Variants in KIF26B observed in about 807,000 individuals in gnomAD.
KIF26B encodes the protein kinesin-like protein KIF26B.
KIF26B carries 63 observed loss-of-function variants against 151.2 expected under a neutral mutation model. That is an observed-to-expected ratio of 0.42 (90% CI 0.34 to 0.51). The LOEUF (loss-of-function observed/expected upper bound fraction) is 0.51, where lower values mean the gene tolerates loss of function less well. Ranked by LOEUF, KIF26B falls within the 20% of genes least tolerant of loss-of-function variation. The pLI is 0.07. For synonymous variants in KIF26B, 1,357 were observed against 1,262.1 expected, an observed-to-expected ratio of 1.08 and a Z score of -1.59; for missense variants, 2,813 against 2,913.6, an observed-to-expected ratio of 0.97 and a Z score of 0.79.
At chr1:245,219,153 TTTTGAGAC>T (rs1669710151) in intron 2 of KIF26B, among the ~76,000 whole-genome samples, 3 of 95,016 alleles carry the variant, frequency 3.2e-5, no homozygotes, top group Non-Finnish European at 7.1e-5. Context: ...TTTTTTTTTT[TTTTGAGAC>T]GGAGTCTTGC....
At chr1:245,434,627 T>C (rs2103043400) in intron 4 of KIF26B, among the ~76,000 whole-genome samples, 1 of 152,268 alleles carries the variant, frequency 6.6e-6, no homozygotes, top group African/African-American at 2.4e-5. Context: ...GGGAGCCCCC[T>C]GCACCCACAC....
At chr1:245,693,795 T>C (rs1330602783) in intron 12 of KIF26B, among the ~76,000 whole-genome samples, 1 of 152,220 alleles carries the variant, frequency 6.6e-6, no homozygotes, top group Non-Finnish European at 1.5e-5. Context: ...GGTTTTGTTT[T>C]AATAAATTCA....
chr1:245,179,857 G>A (rs911062975), intron 2 of KIF26B, among the ~76,000 whole-genome samples: 2 of 152,214 alleles, frequency 1.3e-5, no homozygotes, highest in Admixed American at 6.5e-5. Context: ...TGGACAGGAT[G>A]TTCTGGAGAG....
At chr1:245,317,200 C>G (rs148131550) in intron 2 of KIF26B, among the ~76,000 whole-genome samples, 118 of 152,314 alleles carry the variant, frequency 7.7e-4, no homozygotes, top group African/African-American at 2.7e-3. Context: ...TAGTTCTCTT[C>G]CCGGTAGAAG....
chr1:245,668,701 C>CTTTTTTTTT lies in KIF26B; in HGVS notation c.2259-15525_2259-15524insTTTTTTTTT, dbSNP rs10691487. ...TGTTTCTTTTCTTTTCTTTTCTTTT[C>CTTTTTTTTT]TTTTTTTGAGACAGCGTCTTGCTCT... On this transcript the variant is annotated intron_variant, in intron 10 of 14. Transcript: ENST00000407071. Among the ~76,000 whole-genome samples the CTTTTTTTTT allele has an allele frequency of 2.1e-3, 322 of 151,232 alleles. 1 individual carries two copies. Among genetic ancestry groups the CTTTTTTTTT allele is most frequent in the African/African-American group, 7.3e-3 (298 of 40,854 alleles).
intron 2 of KIF26B, among the ~76,000 whole-genome samples, chr1:245,315,126 G>T (rs1240910034): frequency 6.6e-6 from 1 of 152,180 alleles, no homozygotes; most frequent in African/African-American, 2.4e-5. Context: ...GTTGCGGTGA[G>T]CCGAGATTGT....
chr1:245,661,873 C>T (rs544723110), intron 10 of KIF26B, among the ~76,000 whole-genome samples: 3 of 149,424 alleles, frequency 2.0e-5, no homozygotes, highest in Admixed American at 1.3e-4. Flanking sequence ...TATACATACA[C>T]ACATACCCCC....
At position 245,497,316 on chromosome 1, in the gene KIF26B, C is replaced by G. The variant is rs116036913; in HGVS notation, c.1167-43451C>G. On this transcript the variant is annotated intron_variant, in intron 4 of 14. Coordinates refer to ENST00000407071, the MANE Select transcript of KIF26B (RefSeq NM_018012.4). ...CAAAAAATCAGTTAGGAGAGAAGAT[C>G]TGAATCTCTCAACAATGACACAATT... Among the ~76,000 whole-genome samples, 1,408 of 152,258 alleles carry G rather than the reference C, an allele frequency of 9.2e-3. 7 individuals are homozygous for G. The highest frequency in any genetic ancestry group is 0.015 in the Non-Finnish European group (998 of 68,022).
intron 4 of KIF26B, among the ~76,000 whole-genome samples, chr1:245,458,477 C>T (rs571736812): frequency 6.6e-6 from 1 of 152,278 alleles, no homozygotes; most frequent in African/African-American, 2.4e-5. Context: ...ACATGGCAGC[C>T]AGGTTCTTTG....
At chr1:245,339,432 G>A (rs1262236925) in intron 2 of KIF26B, among the ~76,000 whole-genome samples, 2 of 152,180 alleles carry the variant, frequency 1.3e-5, no homozygotes, top group African/African-American at 4.8e-5. Flanking sequence ...TCCTTGCACA[G>A]CCTAGCTAAT....
chr1:245,157,461 T>G, intron 2 of KIF26B, among the ~76,000 whole-genome samples: 1 of 152,216 alleles, frequency 6.6e-6, no homozygotes, highest in East Asian at 1.9e-4. Context: ...GCTGTAGAGG[T>G]TTTTGACACT....
intron 2 of KIF26B, among the ~76,000 whole-genome samples, chr1:245,215,539 T>C (rs1370413373): frequency 6.6e-6 from 1 of 152,156 alleles, no homozygotes; most frequent in Non-Finnish European, 1.5e-5. Flanking sequence ...TCTCCTCCTC[T>C]GGAGGATTCA....
chr1:245,219,889 C>T (rs1669729356), intron 2 of KIF26B, among the ~76,000 whole-genome samples: 1 of 152,234 alleles, frequency 6.6e-6, no homozygotes, highest in African/African-American at 2.4e-5. Context: ...CCACCCAGGC[C>T]ACTGGGACAG....
At chr1:245,510,577 TCTCTC>T (rs1304018030) in intron 4 of KIF26B, among the ~76,000 whole-genome samples, 7 of 518 alleles carry the variant, frequency 0.014, no homozygotes, top group Non-Finnish European at 0.074. Flanking sequence ...TAGCAGAGCT[TCTCTC>T]TCTCTCTCTC....
At chr1:245,551,133 C>T (rs1394959403) in intron 5 of KIF26B, among the ~76,000 whole-genome samples, 1 of 152,206 alleles carries the variant, frequency 6.6e-6, no homozygotes, top group Non-Finnish European at 1.5e-5. Flanking sequence ...GCAGCCTCAA[C>T]TTCCTGAGCT....
chr1:245,184,050 G>GTTGTTTTTTTTTTTTTTTTTTTT (rs1553332271), intron 2 of KIF26B, among the ~76,000 whole-genome samples: 11 of 19,802 alleles, frequency 5.6e-4, no homozygotes, highest in South Asian at 2.8e-3. Flanking sequence ...GGGAGTTGTT[G>GTTGTTTTTTTTTTTTTTTTTTTT]TTTTTTTTTT....
intron 10 of KIF26B, among the ~76,000 whole-genome samples, chr1:245,672,872 GT>G (rs145277354): frequency 2.6e-5 from 4 of 151,080 alleles, no homozygotes; most frequent in Admixed American, 2.6e-4. Flanking sequence ...CAAATCCATT[GT>G]TTTTTTTTAA....
chr1:245,553,600 C>T (rs1451398498), intron 5 of KIF26B, among the ~76,000 whole-genome samples: 2 of 152,058 alleles, frequency 1.3e-5, no homozygotes. Flanking sequence ...CCTAAGCACA[C>T]CGATGAAAGT....
At position 245,657,969 on chromosome 1, in the gene KIF26B, T is replaced by G. The variant is rs1005871829; in HGVS notation, c.2258+11689T>G. On this transcript the variant is annotated intron_variant, in intron 10 of 14. Transcript: ENST00000407071. ...TAGCTCAGGTGCCCTTGTGTGATCGTCTGCCTTCCGTCACCCTCCTGCCTG... is the reference window on the plus strand; with the variant it reads ...TAGCTCAGGTGCCCTTGTGTGATCGGCTGCCTTCCGTCACCCTCCTGCCTG... 3.3e-5 allele frequency among the ~76,000 whole-genome samples: 5 copies of G among 152,316 alleles called. No individual in the cohort carries two copies. In the East Asian group the frequency reaches 9.7e-4, roughly 29 times the overall value.
Sources: allele counts gnomAD v4.1 joint callset (sites outside exome capture counted in the v4.1 genomes callset), GRCh38; gene constraint gnomAD v4.1.1; transcripts MANE v1.5; gene names NCBI Gene and HGNC (gene_info 2026-07-23, HGNC 2026-07-21).